KRIT1: variants seen among roughly 807,000 people sequenced by gnomAD.
The protein encoded by KRIT1 is krev interaction trapped protein 1.
A neutral mutation model predicts 95.8 loss-of-function variants in KRIT1; 45 were observed. That is an observed-to-expected ratio of 0.47 (90% CI 0.37 to 0.60). The LOEUF is 0.60. KRIT1 is among the 20% of genes least tolerant of loss of function. The pLI is 0.00. For synonymous variants in KRIT1, 282 were observed against 278.8 expected, an observed-to-expected ratio of 1.01 and a Z score of -0.11; for missense variants, 788 against 877.5, an observed-to-expected ratio of 0.90 and a Z score of 1.29.
At chr7:92,221,023 C>G (rs1795033321) in intron 14 of KRIT1, among the ~76,000 whole-genome samples, 1 of 152,088 alleles carries the variant, frequency 6.6e-6, no homozygotes, top group African/African-American at 2.4e-5. Context: ...TCACTTCTTC[C>G]TCTCTAAAAT....
At chr7:92,238,764 G>A (rs1376731902) in intron 5 of KRIT1, among the ~76,000 whole-genome samples, 2 of 152,206 alleles carry the variant, frequency 1.3e-5, no homozygotes. Context: ...GGGAAGCACT[G>A]ACAAGTTAGG....
chr7:92,226,900 A>G (rs538092208), intron 10 of KRIT1, among the ~76,000 whole-genome samples: 1 of 152,356 alleles, frequency 6.6e-6, no homozygotes, highest in East Asian at 1.9e-4. Flanking sequence ...AACTGTTTCT[A>G]TTTCTGATAA....
intron 17 of KRIT1, among the ~76,000 whole-genome samples, chr7:92,212,165 G>C (rs1793000300): frequency 6.6e-6 from 1 of 151,956 alleles, no homozygotes; most frequent in Non-Finnish European, 1.5e-5. Flanking sequence ...CAAGAAAGAA[G>C]CTCTGAAGTA....
At chr7:92,199,011 G>C (rs1305708380), downstream of KRIT1, 1 of 152,178 alleles carries the variant, frequency 6.6e-6, no homozygotes. Context: ...GCAAATAGAG[G>C]AAATAAATTC....
intron 3 of KRIT1, among the ~76,000 whole-genome samples, chr7:92,243,775 ATAATT>A (rs957258422): frequency 6.6e-6 from 1 of 152,100 alleles, no homozygotes; most frequent in Non-Finnish European, 1.5e-5. Context: ...TTTAAATAAA[ATAATT>A]TAAATACTTT....
rs550533414 is a variant in KRIT1, at chr7:92,242,144, A to G, written c.-2-7T>C. The G allele has an allele frequency of 1.1e-4, 161 of 1,441,554 alleles. 1 individual carries two copies. Among genetic ancestry groups the G allele is most frequent in the Middle Eastern group, 1.0e-3 (6 of 5,728 alleles). The allele number at this position is 1,441,554 out of a possible 1,614,324, so 89.3% of individuals were successfully genotyped here. A position where few individuals can be genotyped will look rare whatever the true frequency, so the allele number is the denominator to read the frequency against. On this transcript the variant is annotated splice_region_variant and splice_polypyrimidine_tract_variant and intron_variant, in intron 3 of 18. Transcript: ENST00000394505. ...TTTTCTGGATTTCCCATTGCTTTAC[A>G]AAACAAATAAAAAAATCCTTTGAAA...
At chr7:92,199,124 G>A (rs185691889), downstream of KRIT1, 2 of 152,326 alleles carry the variant, frequency 1.3e-5, no homozygotes, top group Non-Finnish European at 2.9e-5. Context: ...AAAAGAAGTT[G>A]AGGCTAAAAT....
chr7:92,241,159 T>G lies in KRIT1; in HGVS notation c.103-7A>C. The stretch of plus-strand genomic sequence containing the variant: ...GAACTTCATGCAACAAAATCTTAGA[T>G]GAGAAAAACATTAAGAGAAAGCTTA... On this transcript the variant is annotated splice_region_variant and splice_polypyrimidine_tract_variant and intron_variant, in intron 4 of 18. Coordinates refer to ENST00000394505, the MANE Select transcript of KRIT1 (RefSeq NM_194454.3). 6.3e-7 allele frequency: 1 copy of G among 1,591,766 alleles called. No individual in the cohort carries two copies. The highest frequency in any genetic ancestry group is 2.2e-5 in the East Asian group (1 of 44,726).
At chr7:92,213,072 T>G in intron 17 of KRIT1, 123 bp downstream of exon 17, 1 of 670,128 alleles carries the variant, frequency 1.5e-6, no homozygotes, top group Non-Finnish European at 2.7e-6. Flanking sequence ...CTTCCTCTTA[T>G]GTAATGAATG....
intron 14 of KRIT1, among the ~76,000 whole-genome samples, chr7:92,215,957 C>A (rs925684713): frequency 1.3e-5 from 2 of 151,978 alleles, no homozygotes; most frequent in Non-Finnish European, 2.9e-5. Flanking sequence ...CGGCCAGGCA[C>A]GGTGGCTCAC....
intron 14 of KRIT1, among the ~76,000 whole-genome samples, chr7:92,216,443 G>A (rs950750852): frequency 6.6e-6 from 1 of 151,786 alleles, no homozygotes; most frequent in African/African-American, 2.4e-5. Flanking sequence ...TATAAAGCAT[G>A]AGCCTTGACT....
At chr7:92,236,644 A>G in intron 6 of KRIT1, 102 bp from the exon 7 acceptor site, 1 of 816,218 alleles carries the variant, frequency 1.2e-6, no homozygotes, top group Non-Finnish European at 2.0e-6. Flanking sequence ...TGTTAAGTAT[A>G]AAATAAATTG....
At chr7:92,224,675 A>G (rs1442871327) in intron 12 of KRIT1, among the ~76,000 whole-genome samples, 1 of 152,168 alleles carries the variant, frequency 6.6e-6, no homozygotes, top group Non-Finnish European at 1.5e-5. Context: ...TTAGATGGAA[A>G]GGCCAGGTTG....
chr7:92,221,173 C>G (rs186304881), intron 14 of KRIT1, among the ~76,000 whole-genome samples: 34 of 152,194 alleles, frequency 2.2e-4, no homozygotes, highest in African/African-American at 7.2e-4. Flanking sequence ...CAGTGGCTCA[C>G]GCTTGTAATC....
At chr7:92,232,746 T>C (rs558443998) in intron 10 of KRIT1, among the ~76,000 whole-genome samples, 21 of 152,204 alleles carry the variant, frequency 1.4e-4, no homozygotes, top group African/African-American at 4.8e-4. Context: ...CAGGCTGGAG[T>C]GCAGTGGCGT....
At position 92,235,601 on chromosome 7, in the gene KRIT1, T is replaced by A; in HGVS notation, c.531A>T (p.Leu177Phe). Residue 177 changes from leucine (L) to phenylalanine (F), a missense_variant, in exon 8 of 19, where the codon TTA (leucine) becomes TTT (phenylalanine). Leu to Phe is a conservative substitution (Grantham distance 22). Coordinates refer to ENST00000394505, the MANE Select transcript of KRIT1 (RefSeq NM_194454.3). Reference sequence around the variant, plus strand: ...TCCGCTCAAGAGGAGAAGGTCGGAATAAAGCTGGAATAAAGTGAGATTGTG... The same window carrying A: ...TCCGCTCAAGAGGAGAAGGTCGGAAAAAAGCTGGAATAAAGTGAGATTGTG... The part of the protein sequence containing the change: ...RHAQSHFIPA[L>F]FRPSPLERIK... 1 of 1,613,868 alleles carries A rather than the reference T, an allele frequency of 6.2e-7. No individual in the cohort carries two copies. The highest frequency in any genetic ancestry group is 8.5e-7 in the Non-Finnish European group (1 of 1,179,868).
chr7:92,235,604 A>G lies in KRIT1; in HGVS notation c.528T>C (p.Ala176=), dbSNP rs1210032921. ...ERHAQSHFIP[A]LFRPSPLERI... The stretch of plus-strand genomic sequence containing the variant: ...GCTCAAGAGGAGAAGGTCGGAATAA[A>G]GCTGGAATAAAGTGAGATTGTGCAT... Residue 176 remains alanine, a synonymous_variant, in exon 8 of 19, where the codon GCT becomes GCC. Coordinates refer to ENST00000394505, the MANE Select transcript of KRIT1 (RefSeq NM_194454.3). 1 of 1,613,938 alleles carries G rather than the reference A, an allele frequency of 6.2e-7. No individual in the cohort carries two copies. Among genetic ancestry groups the G allele is most frequent in the Non-Finnish European group, 8.5e-7 (1 of 1,179,896 alleles).
intron 14 of KRIT1, among the ~76,000 whole-genome samples, chr7:92,221,424 A>C (rs1391374864): frequency 6.6e-6 from 1 of 151,776 alleles, no homozygotes; most frequent in Admixed American, 6.6e-5. Flanking sequence ...ACAGAGCAAG[A>C]CTCAGTCTCA....
rs1314655391 is a variant in KRIT1, at chr7:92,242,219, A to C, written c.-2-82T>G. 1.5e-5 allele frequency: 12 copies of C among 808,294 alleles called. No homozygotes were observed. The African/African-American group carries it at 2.0e-4, about 14-fold the overall frequency. 50.1% of individuals were successfully genotyped at this position (808,294 alleles called of 1,614,324 possible). A position where few individuals can be genotyped will look rare whatever the true frequency, so the allele number is the denominator to read the frequency against. Reference sequence around the variant, plus strand: ...AGATAAAAAAAAGTAATGCATCTTAAATTGAAAACTTTTATTTCCACATAA... The same window carrying C: ...AGATAAAAAAAAGTAATGCATCTTACATTGAAAACTTTTATTTCCACATAA... On this transcript the variant is annotated intron_variant, in intron 3 of 18. Transcript: ENST00000394505.
Sources: allele counts gnomAD v4.1 joint callset (sites outside exome capture counted in the v4.1 genomes callset), GRCh38; gene constraint gnomAD v4.1.1; transcripts MANE v1.5; gene names NCBI Gene and HGNC (gene_info 2026-07-23, HGNC 2026-07-21).